CATSPERE: variants seen among roughly 807,000 people sequenced by gnomAD.
The protein encoded by CATSPERE is catsper channel auxiliary subunit epsilon, also known as cation channel sperm-associated auxiliary subunit epsilon.
In CATSPERE, 93 loss-of-function variants were observed where a neutral mutation model predicts 114.1. The ratio of observed to expected loss-of-function variants is 0.81; its 90% CI spans 0.69 to 0.97. The LOEUF (loss-of-function observed/expected upper bound fraction) is 0.97. Among genes scored for constraint, CATSPERE ranks in the 50% least tolerant of loss-of-function variants. The pLI is 0.00. For synonymous variants in CATSPERE, 341 were observed against 384.1 expected (o/e 0.89, Z 1.31); for missense variants, 1,058 against 1,131.6 (o/e 0.93, Z 0.93).
rs543474179 is a variant in CATSPERE, at chr1:244,622,919, C to G, written c.2648+5233C>G. On this transcript the variant is annotated intron_variant, in intron 20 of 21. Coordinates refer to ENST00000366534, the MANE Select transcript of CATSPERE (RefSeq NM_001130957.2). The stretch of plus-strand genomic sequence containing the variant: ...AATAAAGCTTTATTAACATTTACAC[C>G]CAAGCAGCAGGTATATACCAAAAGT... 2.6e-5 allele frequency among the ~76,000 whole-genome samples: 4 copies of G among 152,064 alleles called. No homozygotes were observed. The South Asian group carries it at 8.3e-4, about 32-fold the overall frequency.
intron 20 of CATSPERE, among the ~76,000 whole-genome samples, chr1:244,625,426 A>ATTTTTTTTTTTTTTTTTTTTTTTTT (rs1326525192): frequency 2.5e-4 from 1 of 3,942 alleles, no homozygotes; most frequent in African/African-American, 5.1e-4. Flanking sequence ...ATATATATAT[A>ATTTTTTTTTTTTTTTTTTTTTTTTT]TATATATTTT....
intron 7 of CATSPERE, among the ~76,000 whole-genome samples, chr1:244,512,151 T>C (rs1675878918): frequency 1.3e-5 from 2 of 152,228 alleles, no homozygotes; most frequent in African/African-American, 4.8e-5. Context: ...TGCCTGTCTC[T>C]CCACCTTCTG....
chr1:244,469,761 G>A (rs2148109337), intron 2 of CATSPERE, among the ~76,000 whole-genome samples: 1 of 152,226 alleles, frequency 6.6e-6, no homozygotes, highest in South Asian at 2.1e-4. Context: ...CAGAAAAAGT[G>A]GAAGGACTCA....
intron 9 of CATSPERE, among the ~76,000 whole-genome samples, chr1:244,553,446 C>G (rs1024417547): frequency 1.8e-4 from 28 of 151,426 alleles, no homozygotes; most frequent in African/African-American, 6.1e-4. Flanking sequence ...GCCTACAGTG[C>G]CTGTAGTGGT....
At chr1:244,552,234 A>G (rs1259532723) in intron 8 of CATSPERE, 88 bp from the exon 9 acceptor site, 1 of 1,468,730 alleles carries the variant, frequency 6.8e-7, no homozygotes, top group East Asian at 2.3e-5. Context: ...TAAAAATTAA[A>G]AATGTTTTAA....
intron 8 of CATSPERE, among the ~76,000 whole-genome samples, chr1:244,525,233 G>C (rs1348310966): frequency 6.7e-6 from 1 of 149,328 alleles, no homozygotes; most frequent in Non-Finnish European, 1.5e-5. Flanking sequence ...GTAAACTATC[G>C]CAAGAACAAA....
rs1444192172 is a variant in CATSPERE, at chr1:244,607,100, T to G, written c.2403+1306T>G. On this transcript the variant is annotated intron_variant, in intron 18 of 21. Coordinates refer to ENST00000366534, the MANE Select transcript of CATSPERE (RefSeq NM_001130957.2). The surrounding 1 kb of genome is among the most constrained non-coding windows in gnomAD (Gnocchi z 4.4). The stretch of plus-strand genomic sequence containing the variant: ...CAAACCTTTCCATTATGCCTCAAGG[T>G]TAAACGCTCTAGATCCTTCTTCAAT... 6.6e-6 allele frequency among the ~76,000 whole-genome samples: 1 copy of G among 152,132 alleles called. No individual in the cohort carries two copies. Among genetic ancestry groups the G allele is most frequent in the African/African-American group, 2.4e-5 (1 of 41,414 alleles).
chr1:244,589,404 A>C (rs1020338569), intron 14 of CATSPERE, among the ~76,000 whole-genome samples: 1 of 152,146 alleles, frequency 6.6e-6, no homozygotes, highest in East Asian at 1.9e-4. Flanking sequence ...GCATTTCCTA[A>C]ATTTGCATTT....
chr1:244,626,741 C>T (rs895801708), intron 20 of CATSPERE, among the ~76,000 whole-genome samples: 1 of 152,192 alleles, frequency 6.6e-6, no homozygotes, highest in Non-Finnish European at 1.5e-5. Context: ...TCTGCAGCTT[C>T]TTCACCTCCC....
chr1:244,640,148 T>C lies in CATSPERE; in HGVS notation c.*67T>C, dbSNP rs529771001. 2 of 1,273,820 alleles carry C rather than the reference T, an allele frequency of 1.6e-6. No homozygotes were observed. Among genetic ancestry groups the C allele is most frequent in the Admixed American group, 2.4e-5 (1 of 40,880 alleles). The allele number at this position is 1,273,820 out of a possible 1,614,324, so 78.9% of individuals were successfully genotyped here. Reference sequence around the variant, plus strand: ...GAAACAGTGTATTACATAGTGATATTGAGAGTGTGTGTTTGACCAAGAAAT... The same window carrying C: ...GAAACAGTGTATTACATAGTGATATCGAGAGTGTGTGTTTGACCAAGAAAT... On this transcript the variant is annotated 3_prime_UTR_variant, in exon 22 of 22. Transcript: ENST00000366534.
chr1:244,541,661 A>G (rs1387878701), intron 8 of CATSPERE, among the ~76,000 whole-genome samples: 1 of 144,674 alleles, frequency 6.9e-6, no homozygotes, highest in Non-Finnish European at 1.5e-5. Context: ...TACTGGGTAT[A>G]TACCCAAAGG....
chr1:244,458,217 G>A (rs144756842), upstream of CATSPERE, among the ~76,000 whole-genome samples: 291 of 152,200 alleles, frequency 1.9e-3, no homozygotes, highest in African/African-American at 6.3e-3. Flanking sequence ...AGGGAATGGC[G>A]TTTGGTTTTC....
intron 20 of CATSPERE, among the ~76,000 whole-genome samples, chr1:244,625,432 A>ATATTTTTT (rs1189412299): frequency 2.5e-4 from 1 of 3,984 alleles, no homozygotes; most frequent in Non-Finnish European, 4.7e-4. Flanking sequence ...ATATATATAT[A>ATATTTTTT]TTTTTTTTTT....
At chr1:244,551,261 A>G (rs908965439) in intron 8 of CATSPERE, among the ~76,000 whole-genome samples, 2 of 152,234 alleles carry the variant, frequency 1.3e-5, no homozygotes, top group African/African-American at 2.4e-5. Context: ...TCAAAGCATG[A>G]GATCCTGTAA....
chr1:244,474,578 G>A (rs1175599174), intron 2 of CATSPERE, among the ~76,000 whole-genome samples: 1 of 151,352 alleles, frequency 6.6e-6, no homozygotes, highest in African/African-American at 2.4e-5. Context: ...ATTGTTCTTT[G>A]ATTATATTTA....
At chr1:244,541,854 G>C (rs3124052) in intron 8 of CATSPERE, among the ~76,000 whole-genome samples, 109,952 of 127,776 alleles carry the variant, frequency 0.86, 47,990 homozygotes, top group East Asian at 0.99. Flanking sequence ...CATGTCCTTT[G>C]TAGGGACATG....
At chr1:244,601,713 G>A (rs1558572912) in intron 17 of CATSPERE, among the ~76,000 whole-genome samples, 1 of 152,162 alleles carries the variant, frequency 6.6e-6, no homozygotes, top group Non-Finnish European at 1.5e-5. Context: ...AGCACTTCGG[G>A]AGGCCAAGGT....
chr1:244,624,206 C>T (rs1040454188), intron 20 of CATSPERE, among the ~76,000 whole-genome samples: 2 of 148,958 alleles, frequency 1.3e-5, no homozygotes, highest in African/African-American at 5.0e-5. Flanking sequence ...CTCCTGACCT[C>T]GTGATCCGCC....
chr1:244,574,761 T>C (rs1664989740), intron 11 of CATSPERE, among the ~76,000 whole-genome samples: 1 of 152,202 alleles, frequency 6.6e-6, no homozygotes, highest in South Asian at 2.1e-4. Flanking sequence ...CTCTTGGAAG[T>C]GTCTGACTTC....
Sources: allele counts gnomAD v4.1 joint callset (sites outside exome capture counted in the v4.1 genomes callset), GRCh38; gene constraint gnomAD v4.1.1; non-coding constraint Gnocchi (gnomAD v3.1); transcripts MANE v1.5; gene names NCBI Gene and HGNC (gene_info 2026-07-23, HGNC 2026-07-21).